The following SOX6 variants were observed in gnomAD, a reference collection of about 807,000 sequenced individuals.
SOX6 encodes the protein transcription factor SOX-6.
In SOX6, 11 loss-of-function variants were observed where a neutral mutation model predicts 97.8. The observed-to-expected ratio is 0.11, with a 90% CI of 0.07 to 0.19. The LOEUF is 0.19. SOX6 is among the 10% of genes least tolerant of loss of function. The probability of loss-of-function intolerance (pLI) is 1.00; values close to 1 mark genes in which losing one functional copy is unlikely to be tolerated. For synonymous variants in SOX6, 360 were observed against 371.4 expected (o/e 0.97, Z 0.35); for missense variants, 810 against 1,039.5 (o/e 0.78, Z 3.04).
intron 11 of SOX6, among the ~76,000 whole-genome samples, chr11:16,048,340 G>A (rs1847591855): frequency 6.6e-6 from 1 of 152,148 alleles, no homozygotes; most frequent in Admixed American, 6.6e-5. Context: ...TACTCAAAAT[G>A]AGAATATGCT....
intron 1 of SOX6, among the ~76,000 whole-genome samples, chr11:16,418,411 G>T (rs1167015010): frequency 6.6e-6 from 1 of 152,028 alleles, no homozygotes; most frequent in Admixed American, 6.6e-5. Flanking sequence ...ACATGGGACT[G>T]GTACTCAGAC....
In SOX6 at chr11:16,500,575, C is replaced by G. The variant is rs1356346773; in HGVS notation, n.610-24187G>C. Among the ~76,000 whole-genome samples, 3 of 152,150 alleles carry G rather than the reference C, an allele frequency of 2.0e-5. 1 individual carries two copies. Among genetic ancestry groups the G allele is most frequent in the East Asian group, 1.9e-4 (1 of 5,186 alleles). On this transcript the variant is annotated intron_variant and non_coding_transcript_variant, in intron 4 of 5. Coordinates refer to the SOX6 transcript ENST00000524520. The stretch of plus-strand genomic sequence containing the variant: ...ATCTAGAAACCCCATCTTCTAAGCC[C>G]AAAGTCTCCTTAGCTGATAAGCAAC...
intron 4 of SOX6, among the ~76,000 whole-genome samples, chr11:16,233,709 G>T (rs571113492): frequency 5.9e-5 from 9 of 152,132 alleles, no homozygotes; most frequent in Non-Finnish European, 1.2e-4. Flanking sequence ...TATAGATGAG[G>T]ATTATAAAAC....
At chr11:16,511,382 C>G (rs1860877662) in intron 4 of SOX6, among the ~76,000 whole-genome samples, 2 of 152,244 alleles carry the variant, frequency 1.3e-5, no homozygotes, top group African/African-American at 2.4e-5. Context: ...GCACTTAACA[C>G]TCTAGGGAGG....
At chr11:16,547,901 G>A (rs910591731) in intron 4 of SOX6, among the ~76,000 whole-genome samples, 16 of 151,930 alleles carry the variant, frequency 1.1e-4, no homozygotes, top group African/African-American at 1.9e-4. Context: ...CCATAAATAC[G>A]TACAAATATG....
At position 16,605,747 on chromosome 11, in the gene SOX6, C is replaced by T. The variant is rs1307209611; in HGVS notation, n.609+6334G>A. Among the ~76,000 whole-genome samples the T allele has an allele frequency of 1.3e-5, 2 of 152,000 alleles. No homozygotes were observed. Among genetic ancestry groups the T allele is most frequent in the South Asian group, 2.1e-4 (1 of 4,818 alleles). ...CGAAATGGGGGTGGGGTGGGGGTAG[C>T]ATTAAGAAGCCCAGAAGCTCAGCGG... is the stretch of plus-strand genomic sequence containing the variant. On this transcript the variant is annotated intron_variant and non_coding_transcript_variant, in intron 4 of 5. Coordinates refer to the SOX6 transcript ENST00000524520. The surrounding 1 kb of genome is among the most constrained non-coding windows in gnomAD (Gnocchi z 5.3).
At chr11:16,711,708 T>G (rs996069835) in intron 3 of SOX6, among the ~76,000 whole-genome samples, 24 of 152,080 alleles carry the variant, frequency 1.6e-4, no homozygotes, top group African/African-American at 5.8e-4. Context: ...TTTTCTCAGC[T>G]CAAAATGTTA....
intron 4 of SOX6, among the ~76,000 whole-genome samples, chr11:16,210,119 A>C (rs953396963): frequency 4.6e-5 from 7 of 152,218 alleles, no homozygotes; most frequent in Non-Finnish European, 8.8e-5. Flanking sequence ...TAGATGACCC[A>C]GCAATTCCAT....
At chr11:16,477,260 G>A (rs774923039), upstream of SOX6, among the ~76,000 whole-genome samples, 1 of 152,110 alleles carries the variant, frequency 6.6e-6, no homozygotes, top group Non-Finnish European at 1.5e-5. Context: ...AGGCTCTGGG[G>A]ACTGGCTTGA....
At chr11:16,570,249 G>T (rs1222090771) in intron 4 of SOX6, among the ~76,000 whole-genome samples, 1 of 152,078 alleles carries the variant, frequency 6.6e-6, no homozygotes, top group African/African-American at 2.4e-5. Flanking sequence ...TGAGCTCAGA[G>T]ATGCATGGTA....
At chr11:16,332,835 A>G (rs1348783942) in intron 2 of SOX6, among the ~76,000 whole-genome samples, 1 of 152,222 alleles carries the variant, frequency 6.6e-6, no homozygotes, top group East Asian at 1.9e-4. Context: ...AACAAAAGTA[A>G]TAATAGCTTG....
At chr11:16,385,970 A>T (rs1312203694) in intron 1 of SOX6, among the ~76,000 whole-genome samples, 1 of 152,128 alleles carries the variant, frequency 6.6e-6, no homozygotes, top group African/African-American at 2.4e-5. Flanking sequence ...CCACATTAAC[A>T]TGTTCAGAGG....
At chr11:16,365,610 T>G (rs1565115043) in intron 1 of SOX6, among the ~76,000 whole-genome samples, 1 of 152,152 alleles carries the variant, frequency 6.6e-6, no homozygotes. Flanking sequence ...CAAACTGTTG[T>G]GCTTATTTCA....
intron 1 of SOX6, among the ~76,000 whole-genome samples, chr11:16,410,244 T>A (rs1054873791): frequency 6.6e-6 from 1 of 152,114 alleles, no homozygotes; most frequent in East Asian, 1.9e-4. Flanking sequence ...AAATCTTAAA[T>A]GAGTTTTTAA....
intron 3 of SOX6, among the ~76,000 whole-genome samples, chr11:16,287,909 G>T (rs1168397705): frequency 6.6e-6 from 1 of 152,046 alleles, no homozygotes; most frequent in Non-Finnish European, 1.5e-5. Context: ...GAAGAAAGAT[G>T]GGTTGTAAAT....
intron 13 of SOX6, among the ~76,000 whole-genome samples, chr11:16,012,678 A>G (rs1854767354): frequency 6.6e-6 from 1 of 151,966 alleles, no homozygotes; most frequent in Non-Finnish European, 1.5e-5. Flanking sequence ...TTCTGCATAA[A>G]CAGTGGGGGC....
intron 1 of SOX6, among the ~76,000 whole-genome samples, chr11:16,427,052 A>C (rs1347397402): frequency 6.6e-6 from 1 of 152,138 alleles, no homozygotes; most frequent in Non-Finnish European, 1.5e-5. Flanking sequence ...ACCATTCAGG[A>C]CATAAGCATA....
At chr11:16,522,187 C>T (rs1861077889) in intron 4 of SOX6, among the ~76,000 whole-genome samples, 2 of 151,956 alleles carry the variant, frequency 1.3e-5, no homozygotes, top group Non-Finnish European at 2.9e-5. Flanking sequence ...GTCAGATTCA[C>T]CAAAGTTGAA....
chr11:16,091,672 C>G (rs1848691147), intron 9 of SOX6, among the ~76,000 whole-genome samples: 1 of 151,984 alleles, frequency 6.6e-6, no homozygotes, highest in African/African-American at 2.4e-5. Context: ...CTTGGCAAGA[C>G]TTCAGTAGTT....
Sources: gnomAD v4.1 joint callset for allele counts (sites outside exome capture counted in the v4.1 genomes callset) on GRCh38, gnomAD v4.1.1 for gene constraint, Gnocchi (gnomAD v3.1) non-coding constraint, MANE v1.5 for transcripts, NCBI Gene and HGNC (gene_info 2026-07-23, HGNC 2026-07-21) for gene names.